Variants in TRAF3IP1 observed in about 807,000 individuals in gnomAD.
The protein encoded by TRAF3IP1 is TRAF3-interacting protein 1.
In TRAF3IP1, 53 loss-of-function variants were observed where a neutral mutation model predicts 89.9. The ratio of observed to expected loss-of-function variants is 0.59; its 90% CI spans 0.47 to 0.74. The LOEUF (loss-of-function observed/expected upper bound fraction) is 0.74, where lower values mean the gene tolerates loss of function less well. Among genes scored for constraint, TRAF3IP1 ranks in the 30% least tolerant of loss-of-function variants. TRAF3IP1 has a pLI of 0.00. For synonymous variants in TRAF3IP1, 311 were observed against 322.1 expected, an observed-to-expected ratio of 0.97 and a Z score of 0.37; for missense variants, 806 against 866.1, an observed-to-expected ratio of 0.93 and a Z score of 0.87.
chr2:238,350,956 G>A (rs1574926473), intron 12 of TRAF3IP1, among the ~76,000 whole-genome samples: 1 of 152,284 alleles, frequency 6.6e-6, no homozygotes, highest in South Asian at 2.1e-4. Flanking sequence ...ATGCCAGTGA[G>A]TGAGGGAGGA....
chr2:238,333,908 A>T (rs1221360666), intron 6 of TRAF3IP1, 52 bp from the exon 7 acceptor site: 2 of 1,422,238 alleles, frequency 1.4e-6, no homozygotes. Context: ...CCTGCTTATG[A>T]TACTGCTGTG....
At chr2:238,375,656 A>G (rs1700283911) in intron 15 of TRAF3IP1, among the ~76,000 whole-genome samples, 1 of 152,224 alleles carries the variant, frequency 6.6e-6, no homozygotes, top group Non-Finnish European at 1.5e-5. Context: ...TGCTTGGTCC[A>G]GAGCTGAGTT....
intron 15 of TRAF3IP1, among the ~76,000 whole-genome samples, chr2:238,370,025 TC>T (rs913601075): frequency 6.6e-6 from 1 of 152,186 alleles, no homozygotes; most frequent in Non-Finnish European, 1.5e-5. Flanking sequence ...CTTTCCCTGC[TC>T]CAGCCCCAGA....
At chr2:238,381,140 T>A (rs1700531505) in intron 15 of TRAF3IP1, among the ~76,000 whole-genome samples, 1 of 138,506 alleles carries the variant, frequency 7.2e-6, no homozygotes, top group Admixed American at 7.5e-5. Flanking sequence ...TTTATTTATT[T>A]ATTTTTTTTT....
At chr2:238,333,485 G>A (rs964765971) in intron 6 of TRAF3IP1, among the ~76,000 whole-genome samples, 2 of 152,230 alleles carry the variant, frequency 1.3e-5, no homozygotes, top group Non-Finnish European at 2.9e-5. Flanking sequence ...TAGAGTAGAG[G>A]CTGGGAGGCC....
intron 15 of TRAF3IP1, among the ~76,000 whole-genome samples, chr2:238,367,695 A>G (rs1008260273): frequency 1.3e-5 from 2 of 151,990 alleles, no homozygotes; most frequent in Non-Finnish European, 1.5e-5. Flanking sequence ...GGCCTCCTGC[A>G]CCTGCACCAC....
At chr2:238,382,414 T>A (rs1700585958) in intron 15 of TRAF3IP1, among the ~76,000 whole-genome samples, 2 of 152,198 alleles carry the variant, frequency 1.3e-5, no homozygotes, top group Non-Finnish European at 2.9e-5. Flanking sequence ...CCACAAACTT[T>A]TGCAACATTA....
At chr2:238,383,523 G>T (rs1279425343) in intron 15 of TRAF3IP1, among the ~76,000 whole-genome samples, 1 of 152,194 alleles carries the variant, frequency 6.6e-6, no homozygotes, top group African/African-American at 2.4e-5. Flanking sequence ...GCTGACTTTG[G>T]TGCTGGTGTG....
intron 8 of TRAF3IP1, among the ~76,000 whole-genome samples, chr2:238,341,986 T>A (rs1698682550): frequency 6.6e-6 from 1 of 152,156 alleles, no homozygotes; most frequent in South Asian, 2.1e-4. Flanking sequence ...TAGTCATTTT[T>A]ATTTTATTTT....
rs375941768 is a variant in TRAF3IP1 at position 238,353,227 on chromosome 2, G to T, written c.1612+18G>T. On this transcript the variant is annotated intron_variant, in intron 14 of 16. Coordinates refer to ENST00000373327, the MANE Select transcript of TRAF3IP1 (RefSeq NM_015650.4). ...GAAGCATGGTGAGTCCTGGGCACGA[G>T]TGTGCATGTATGTCCATGTGTGTGT... 1.2e-6 allele frequency: 2 copies of T among 1,613,974 alleles called. No homozygotes were observed. The highest frequency in any genetic ancestry group is 2.2e-5 in the South Asian group (2 of 91,058).
intron 15 of TRAF3IP1, among the ~76,000 whole-genome samples, chr2:238,384,344 GT>G (rs1700669490): frequency 1.6e-5 from 2 of 122,034 alleles, no homozygotes; most frequent in African/African-American, 6.2e-5. Flanking sequence ...CCTGATGTAT[GT>G]ATGTATGTAT....
intron 15 of TRAF3IP1, among the ~76,000 whole-genome samples, chr2:238,386,802 C>T (rs765422671): frequency 6.6e-6 from 1 of 152,238 alleles, no homozygotes; most frequent in South Asian, 2.1e-4. Context: ...CCACAGTGAC[C>T]CATTGGGGCT....
intron 15 of TRAF3IP1, among the ~76,000 whole-genome samples, chr2:238,373,075 T>C (rs1346561924): frequency 1.3e-5 from 2 of 152,378 alleles, no homozygotes; most frequent in Admixed American, 6.5e-5. Context: ...TCTCCCATTC[T>C]GTAGGTTGCC....
chr2:238,375,030 A>G (rs979391132), intron 15 of TRAF3IP1, among the ~76,000 whole-genome samples: 6 of 151,234 alleles, frequency 4.0e-5, no homozygotes, highest in Admixed American at 3.3e-4. Context: ...TTTCTTCTTT[A>G]TTAGTCTTGC....
At position 238,325,902 on chromosome 2, in the gene TRAF3IP1, G is replaced by A. The variant is rs527454385; in HGVS notation, c.286G>A (p.Val96Met). 8.7e-6 allele frequency: 14 copies of A among 1,614,220 alleles called. No homozygotes were observed. Among genetic ancestry groups the A allele is most frequent in the East Asian group, 2.2e-5 (1 of 44,882 alleles). ...EPLLAKPARI[V>M]AGHEPERTNE... ...ACTGTTGGCCAAACCAGCCCGAATC[G>A]TGGCGGGGCATGAGCCTGAAAGAAC... Residue 96 changes from valine (V) to methionine (M), a missense_variant, in exon 3 of 17, where the codon GTG becomes ATG. Physicochemically the swap from Val to Met is conservative, Grantham distance 21. Coordinates refer to ENST00000373327, the MANE Select transcript of TRAF3IP1 (RefSeq NM_015650.4).
chr2:238,350,156 G>A (rs6734245), intron 12 of TRAF3IP1, among the ~76,000 whole-genome samples: 17,741 of 152,148 alleles, frequency 0.12, 1,759 homozygotes, highest in African/African-American at 0.27. Context: ...AAGAGGCAGG[G>A]ATTGGAGGCA....
At chr2:238,355,925 C>T (rs1274365804) in intron 14 of TRAF3IP1, 79 bp from the exon 15 acceptor site, 2 of 995,004 alleles carry the variant, frequency 2.0e-6, no homozygotes, top group East Asian at 5.1e-5. Context: ...TAGTGTTTTT[C>T]CCACCATCCC....
intron 15 of TRAF3IP1, among the ~76,000 whole-genome samples, chr2:238,374,673 T>C (rs1302161804): frequency 6.6e-6 from 1 of 152,242 alleles, no homozygotes; most frequent in African/African-American, 2.4e-5. Flanking sequence ...TCCCTCTTTT[T>C]CTGTTGATTG....
chr2:238,394,394 G>A (rs1407550304), intron 15 of TRAF3IP1, among the ~76,000 whole-genome samples: 4 of 152,146 alleles, frequency 2.6e-5, no homozygotes, highest in Non-Finnish European at 4.4e-5. Flanking sequence ...TGTCTTTACT[G>A]TGTCCTGTCT....
Sources: allele counts gnomAD v4.1 joint callset (sites outside exome capture counted in the v4.1 genomes callset), GRCh38; gene constraint gnomAD v4.1.1; transcripts MANE v1.5; gene names NCBI Gene and HGNC (gene_info 2026-07-23, HGNC 2026-07-21).